The following ASTN2 variants were observed in gnomAD, a reference collection of about 807,000 sequenced individuals.
The protein encoded by ASTN2 is astrotactin 2.
A neutral mutation model predicts 139.8 loss-of-function variants in ASTN2; 54 were observed. That is an observed-to-expected ratio of 0.39 (90% CI 0.31 to 0.48). The LOEUF (loss-of-function observed/expected upper bound fraction) is 0.48. ASTN2 is among the 20% of genes least tolerant of loss of function. The pLI is 0.95. For missense variants in ASTN2, 1,565 were observed against 1,725.1 expected, an observed-to-expected ratio of 0.91 and a Z score of 1.64; for synonymous variants, 756 against 719.5, an observed-to-expected ratio of 1.05 and a Z score of -0.81.
intron 3 of ASTN2, among the ~76,000 whole-genome samples, chr9:117,192,876 T>G (rs4838272): frequency 0.97 from 147,994 of 152,280 alleles, 71,948 homozygotes; most frequent in Non-Finnish European, 0.99. Flanking sequence ...CTCTCAAAAG[T>G]GTTCAATAAC....
intron 16 of ASTN2, among the ~76,000 whole-genome samples, chr9:116,712,012 C>A (rs956674197): frequency 2.6e-5 from 4 of 152,152 alleles, no homozygotes; most frequent in Non-Finnish European, 4.4e-5. Flanking sequence ...TTTAAATGAC[C>A]TTTAAGTGCT....
chr9:116,762,915 A>G (rs919598044), intron 13 of ASTN2, among the ~76,000 whole-genome samples: 2 of 152,220 alleles, frequency 1.3e-5, no homozygotes, highest in Non-Finnish European at 2.9e-5. Context: ...ACCCTATGAC[A>G]TTGGGATTTG....
At chr9:117,233,662 A>G (rs1344331530) in intron 2 of ASTN2, among the ~76,000 whole-genome samples, 8 of 152,164 alleles carry the variant, frequency 5.3e-5, no homozygotes, top group Non-Finnish European at 7.4e-5. Flanking sequence ...AGTGCCTAAA[A>G]TAATTAGCTT....
At chr9:116,888,900 C>T (rs1466296778) in intron 10 of ASTN2, among the ~76,000 whole-genome samples, 2 of 152,100 alleles carry the variant, frequency 1.3e-5, no homozygotes, top group Non-Finnish European at 2.9e-5. Context: ...TCCCTGTGTC[C>T]ATGTGTTCTC....
At chr9:116,592,484 C>G (rs1436564437) in intron 19 of ASTN2, among the ~76,000 whole-genome samples, 1 of 152,146 alleles carries the variant, frequency 6.6e-6, no homozygotes, top group Non-Finnish European at 1.5e-5. Context: ...CACCTTCCAC[C>G]AGCCCTCGCC....
intron 16 of ASTN2, among the ~76,000 whole-genome samples, chr9:116,675,900 A>G (rs1450294474): frequency 6.6e-6 from 1 of 152,176 alleles, no homozygotes; most frequent in Non-Finnish European, 1.5e-5. Context: ...CAACAGGGAA[A>G]AAGTTTGAGC....
intron 16 of ASTN2, among the ~76,000 whole-genome samples, chr9:116,675,049 G>A (rs1859422805): frequency 6.6e-6 from 1 of 152,072 alleles, no homozygotes; most frequent in Non-Finnish European, 1.5e-5. Flanking sequence ...CAAATTCAGG[G>A]GCTTGTCCAG....
chr9:116,449,608 A>G (rs1588070058), intron 20 of ASTN2, among the ~76,000 whole-genome samples: 1 of 152,122 alleles, frequency 6.6e-6, no homozygotes, highest in East Asian at 1.9e-4. Flanking sequence ...CAGTTCTTTG[A>G]CATTTCACCT....
At chr9:116,740,489 G>A (rs538682909) in intron 13 of ASTN2, among the ~76,000 whole-genome samples, 1 of 152,162 alleles carries the variant, frequency 6.6e-6, no homozygotes, top group East Asian at 1.9e-4. Flanking sequence ...GTGAAGAGGA[G>A]GATTTATGTA....
Position 117,214,758 on chromosome 9 carries a change from A to G in ASTN2, c.631-16T>C, listed in dbSNP as rs759629090. The G allele has an allele frequency of 2.7e-6, 4 of 1,471,912 alleles. No homozygotes were observed. The East Asian group carries it at 9.2e-5, about 34-fold the overall frequency. The allele number at this position is 1,471,912 out of a possible 1,614,324, so 91.2% of individuals were successfully genotyped here. ...TGAGGCCACCCTGGAGCAGGAAGGA[A>G]GGACACACAAATGGGCCACTGTTCT... On this transcript the variant is annotated splice_polypyrimidine_tract_variant and intron_variant, in intron 2 of 22. Coordinates refer to ENST00000313400, the MANE Select transcript of ASTN2 (RefSeq NM_001365068.1).
chr9:117,061,139 T>TTTTATTTATTTA (rs71379255), intron 5 of ASTN2, among the ~76,000 whole-genome samples: 1,790 of 141,972 alleles, frequency 0.013, 15 homozygotes, highest in African/African-American at 0.016. Flanking sequence ...TACACCAGTC[T>TTTTATTTATTTA]TTTATTTATT....
chr9:117,041,644 T>A (rs1404028724), intron 5 of ASTN2, among the ~76,000 whole-genome samples: 2 of 152,168 alleles, frequency 1.3e-5, no homozygotes, highest in African/African-American at 4.8e-5. Context: ...TCAAGCTGTT[T>A]TACAGCATCT....
At position 116,698,784 on chromosome 9, in the gene ASTN2, G is replaced by T. The variant is rs771427815; in HGVS notation, c.2806+26987C>A. On this transcript the variant is annotated intron_variant, in intron 16 of 22. Coordinates refer to ENST00000313400, the MANE Select transcript of ASTN2 (RefSeq NM_001365068.1). The surrounding 1 kb of genome is among the most constrained non-coding windows in gnomAD (Gnocchi z 4.4). Reference sequence around the variant, plus strand: ...ACCTGCTAAACAGCGGGGTCCTGAGGCAGCCTCCAATATCCAGCAGTGCCT... The same window carrying T: ...ACCTGCTAAACAGCGGGGTCCTGAGTCAGCCTCCAATATCCAGCAGTGCCT... The T allele has an allele frequency of 1.9e-6, 3 of 1,614,068 alleles. No homozygotes were observed. The African/African-American group carries it at 4.0e-5, about 22-fold the overall frequency.
chr9:116,855,749 G>A (rs1276819964), intron 11 of ASTN2, among the ~76,000 whole-genome samples: 1 of 152,074 alleles, frequency 6.6e-6, no homozygotes, highest in Non-Finnish European at 1.5e-5. Flanking sequence ...GGTTGGATTT[G>A]GGCAAGTTTC....
chr9:116,713,435 T>TCTCAGAGCTGGCACTCTGA (rs1828224934), intron 16 of ASTN2, among the ~76,000 whole-genome samples: 1 of 152,058 alleles, frequency 6.6e-6, no homozygotes, highest in South Asian at 2.1e-4. Context: ...CTAAGGCCCG[T>TCTCAGAGCTGGCACTCTGA]CTCAGAGCTG....
rs80090814 is a variant in ASTN2, at chr9:116,881,744, C to T, written c.1890-18011G>A. On this transcript the variant is annotated intron_variant, in intron 10 of 22. Coordinates refer to ENST00000313400, the MANE Select transcript of ASTN2 (RefSeq NM_001365068.1). Reference sequence around the variant, plus strand: ...AAACACAAGGCACCTCAATTGCCTACAAAGAGTTGGTTTCCGTAATGGAAA... The same window carrying T: ...AAACACAAGGCACCTCAATTGCCTATAAAGAGTTGGTTTCCGTAATGGAAA... Among the ~76,000 whole-genome samples the T allele has an allele frequency of 4.2e-3, 635 of 152,282 alleles. 10 individuals carry two copies. Among genetic ancestry groups the T allele is most frequent in the Admixed American group, 0.03 (454 of 15,300 alleles).
chr9:116,952,206 A>G (rs1564357481), intron 10 of ASTN2, among the ~76,000 whole-genome samples: 1 of 152,188 alleles, frequency 6.6e-6, no homozygotes, highest in East Asian at 1.9e-4. Context: ...CCACGACTTT[A>G]TGAATAGTAA....
intron 3 of ASTN2, among the ~76,000 whole-genome samples, chr9:117,203,100 A>T (rs1230251354): frequency 6.6e-6 from 1 of 151,430 alleles, no homozygotes; most frequent in African/African-American, 2.4e-5. Flanking sequence ...TCAAACTCTG[A>T]TATCCTTTCT....
At chr9:117,128,315 A>C (rs10759902) in intron 4 of ASTN2, among the ~76,000 whole-genome samples, 131,582 of 146,586 alleles carry the variant, frequency 0.9, 60,053 homozygotes, top group East Asian at 1. Context: ...TGGAGGTTGC[A>C]GTGGGCCAGA....
Sources: gnomAD v4.1 joint callset for allele counts (sites outside exome capture counted in the v4.1 genomes callset) on GRCh38, gnomAD v4.1.1 for gene constraint, Gnocchi (gnomAD v3.1) non-coding constraint, MANE v1.5 for transcripts, NCBI Gene and HGNC (gene_info 2026-07-23, HGNC 2026-07-21) for gene names.